Variants in ALG6 observed in about 807,000 individuals in gnomAD.
The protein encoded by ALG6 is ALG6 alpha-1,3-glucosyltransferase.
In ALG6, 46 loss-of-function variants were observed where a neutral mutation model predicts 66.6. The observed-to-expected ratio is 0.69, with a 90% confidence interval of 0.55 to 0.88. The LOEUF is 0.88. Among genes scored for constraint, ALG6 ranks in the 40% least tolerant of loss-of-function variants. ALG6 has a pLI of 0.00. For missense variants in ALG6, 505 were observed against 586.8 expected, an observed-to-expected ratio of 0.86 and a Z score of 1.44; for synonymous variants, 185 against 203.7, an observed-to-expected ratio of 0.91 and a Z score of 0.78.
intron 12 of ALG6, among the ~76,000 whole-genome samples, chr1:63,426,859 C>T (rs1644617703): frequency 6.6e-6 from 1 of 151,942 alleles, no homozygotes; most frequent in South Asian, 2.1e-4. Flanking sequence ...CATTTTTTGT[C>T]AATGCTTGTG....
Position 63,433,861 on chromosome 1 carries a change from A to G in ALG6, c.1327-2962A>G, listed in dbSNP as rs1335970309. On this transcript the variant is annotated intron_variant, in intron 14 of 14. Coordinates refer to ENST00000263440, the MANE Select transcript of ALG6 (RefSeq NM_013339.4). The surrounding 1 kb of genome is among the most constrained non-coding windows in gnomAD (Gnocchi z 4.2). ...GGCATGTCAGAGGGTGATAAGTGCTATGGAGAACAACAAAGCAAGGGAGAA... is the reference window on the plus strand; with the variant it reads ...GGCATGTCAGAGGGTGATAAGTGCTGTGGAGAACAACAAAGCAAGGGAGAA... Among the ~76,000 whole-genome samples the G allele has an allele frequency of 3.3e-5, 5 of 152,230 alleles. No individual in the cohort carries two copies. The South Asian group carries it at 1.0e-3, about 31-fold the overall frequency.
At chr1:63,403,388 A>G (rs1268392656) in intron 4 of ALG6, among the ~76,000 whole-genome samples, 6 of 152,206 alleles carry the variant, frequency 3.9e-5, no homozygotes, top group Non-Finnish European at 8.8e-5. Context: ...GAAGATCAAA[A>G]TGGGAATTCC....
At position 63,432,968 on chromosome 1, in the gene ALG6, G is replaced by A. The variant is rs150702161; in HGVS notation, c.1326+3842G>A. Reference sequence around the variant, plus strand: ...TTTATTTTATTCTTTTTGAGATGGAGTTTCACTCTTGTTGCCCAGGCTGGA... The same window carrying A: ...TTTATTTTATTCTTTTTGAGATGGAATTTCACTCTTGTTGCCCAGGCTGGA... On this transcript the variant is annotated intron_variant, in intron 14 of 14. Coordinates refer to ENST00000263440, the MANE Select transcript of ALG6 (RefSeq NM_013339.4). Among the ~76,000 whole-genome samples, 1,008 of 152,206 alleles carry A rather than the reference G, an allele frequency of 6.6e-3. 9 individuals are homozygous for A. Among genetic ancestry groups the A allele is most frequent in the African/African-American group, 0.024 (976 of 41,508 alleles).
At chr1:63,410,373 GCTT>G (rs1394424261) in intron 7 of ALG6, among the ~76,000 whole-genome samples, 1 of 152,082 alleles carries the variant, frequency 6.6e-6, no homozygotes, top group African/African-American at 2.4e-5. Context: ...TCCTGCCTCA[GCTT>G]CTTGGGTAAC....
At chr1:63,382,889 G>T (rs1238003942) in intron 2 of ALG6, among the ~76,000 whole-genome samples, 2 of 151,994 alleles carry the variant, frequency 1.3e-5, no homozygotes, top group Non-Finnish European at 2.9e-5. Flanking sequence ...TGTTAGCCAG[G>T]ATGGTCTCGA....
At position 63,416,665 on chromosome 1, in the gene ALG6, G is replaced by A. The variant is rs74079880; in HGVS notation, c.987+708G>A. ...CTAAAAAATATTTTTGAGAAGGAGA[G>A]GGGGCAGATCTCTGTTTTAGGAGGA... On this transcript the variant is annotated intron_variant, in intron 11 of 14. Transcript: ENST00000263440. Among the ~76,000 whole-genome samples, 1,441 of 152,160 alleles carry A rather than the reference G, an allele frequency of 9.5e-3. 24 individuals carry two copies. Among genetic ancestry groups the A allele is most frequent in the African/African-American group, 0.033 (1,378 of 41,514 alleles).
At chr1:63,430,486 C>T (rs1644640536) in intron 14 of ALG6, among the ~76,000 whole-genome samples, 1 of 152,172 alleles carries the variant, frequency 6.6e-6, no homozygotes, top group African/African-American at 2.4e-5. Flanking sequence ...AAACTGTTTT[C>T]CAAAGTGCAG....
rs886046479 is a variant in ALG6 at position 63,438,405 on chromosome 1, T to C, written c.*1385T>C. The C allele has an allele frequency of 2.6e-5, 4 of 152,218 alleles. No individual in the cohort carries two copies. Among genetic ancestry groups the C allele is most frequent in the African/African-American group, 2.4e-5 (1 of 41,464 alleles). 9.4% of individuals were successfully genotyped at this position (152,218 alleles called of 1,614,324 possible). A position where few individuals can be genotyped will look rare whatever the true frequency, so the allele number is the denominator to read the frequency against. On this transcript the variant is annotated 3_prime_UTR_variant, in exon 15 of 15. Transcript: ENST00000263440. The stretch of plus-strand genomic sequence containing the variant: ...ATCTTGGCTGGCTGGTGTAGCTTTA[T>C]TTTTAAAAATATTTTTTGTAATAGT...
At chr1:63,386,710 C>G (rs180891315) in intron 2 of ALG6, among the ~76,000 whole-genome samples, 1 of 151,752 alleles carries the variant, frequency 6.6e-6, no homozygotes, top group Admixed American at 6.6e-5. Flanking sequence ...TTCTTTTTTT[C>G]CTAGTCTGGC....
chr1:63,422,360 A>T (rs774124460), intron 12 of ALG6, among the ~76,000 whole-genome samples: 3 of 74,676 alleles, frequency 4.0e-5, no homozygotes, highest in African/African-American at 1.8e-4. Context: ...TATCTATATA[A>T]ATATAAATAT....
chr1:63,424,851 T>C (rs893169840), intron 12 of ALG6, among the ~76,000 whole-genome samples: 1 of 148,322 alleles, frequency 6.7e-6, no homozygotes, highest in East Asian at 2.0e-4. Context: ...CAATCTTAGC[T>C]CACTACAACC....
rs752858908 is a variant in ALG6 at position 63,370,989 on chromosome 1, G to T, written c.12G>T (p.Trp4Cys). 5 of 1,607,282 alleles carry T rather than the reference G, an allele frequency of 3.1e-6. No homozygotes were observed. The highest frequency in any genetic ancestry group is 4.3e-6 in the Non-Finnish European group (5 of 1,173,982). Residue 4 changes from tryptophan to cysteine, a missense_variant, in exon 2 of 15, where the codon TGG (tryptophan) becomes TGT (cysteine). Trp to Cys is a radical substitution (Grantham distance 215, BLOSUM62 -2). Transcript: ENST00000263440. Reference protein sequence around the residue: MEKWYLMTVVVLIG... With the variant: MEKCYLMTVVVLIG... ...AAATTTGAAGAACTATGGAGAAATGGTACTTGATGACAGTAGTGGTTTTAA... is the reference window on the plus strand; with the variant it reads ...AAATTTGAAGAACTATGGAGAAATGTTACTTGATGACAGTAGTGGTTTTAA...
rs567322413 is a variant in ALG6, at chr1:63,401,387, C to G, written c.168-867C>G. On this transcript the variant is annotated intron_variant, in intron 3 of 14. Transcript: ENST00000263440. ...GTGACCCATTTGAAATAAGTTAGGC[C>G]GGGCATGGTGGCTCACCCCTGTAAT... 6.6e-4 allele frequency among the ~76,000 whole-genome samples: 101 copies of G among 151,986 alleles called. 1 individual carries two copies. Among genetic ancestry groups the G allele is most frequent in the African/African-American group, 2.3e-3 (97 of 41,460 alleles).
chr1:63,437,087 G>T lies in ALG6; in HGVS notation c.*67G>T. The T allele has an allele frequency of 7.0e-7, 1 of 1,420,326 alleles. No homozygotes were observed. The highest frequency in any genetic ancestry group is 1.2e-5 in the South Asian group (1 of 83,894). 88.0% of individuals were successfully genotyped at this position (1,420,326 alleles called of 1,614,324 possible). A position where few individuals can be genotyped will look rare whatever the true frequency, so the allele number is the denominator to read the frequency against. ...TGTGAACAGTGCTGAAAGGTTTTGTGAACTTTTTGCTATGTATAAATGAAA... is the reference window on the plus strand; with the variant it reads ...TGTGAACAGTGCTGAAAGGTTTTGTTAACTTTTTGCTATGTATAAATGAAA... On this transcript the variant is annotated 3_prime_UTR_variant, in exon 15 of 15. Coordinates refer to ENST00000263440, the MANE Select transcript of ALG6 (RefSeq NM_013339.4).
chr1:63,418,091 G>A (rs6657589), intron 11 of ALG6, among the ~76,000 whole-genome samples: 53,585 of 149,248 alleles, frequency 0.36, 9,842 homozygotes, highest in East Asian at 0.49. Context: ...TGGAGATTGC[G>A]CCACTGCACT....
intron 3 of ALG6, among the ~76,000 whole-genome samples, chr1:63,399,314 G>A (rs975826666): frequency 6.6e-6 from 1 of 152,194 alleles, no homozygotes; most frequent in Non-Finnish European, 1.5e-5. Flanking sequence ...TGAAACAGAA[G>A]CACAAGAGTG....
In ALG6 at chr1:63,424,385, C is replaced by T. The variant is rs377257188; in HGVS notation, c.1059-4348C>T. Among the ~76,000 whole-genome samples the T allele has an allele frequency of 7.8e-4, 119 of 152,156 alleles. 1 individual carries two copies. The highest frequency in any genetic ancestry group is 2.6e-3 in the African/African-American group (106 of 41,538). ...TGAACTCCTGACCTCGTGATCCACCCGCCTCGGCCTCCCAAAGTGCTGGGA... is the reference window on the plus strand; with the variant it reads ...TGAACTCCTGACCTCGTGATCCACCTGCCTCGGCCTCCCAAAGTGCTGGGA... On this transcript the variant is annotated intron_variant, in intron 12 of 14. Transcript: ENST00000263440.
Position 63,422,270 on chromosome 1 carries a change from T to C in ALG6, c.1058+2830T>C, listed in dbSNP as rs1371498537. ...ATATATATATTTATATAGATATAAA[T>C]ATATATATAAATATATATATTTATA... is the stretch of plus-strand genomic sequence containing the variant. On this transcript the variant is annotated intron_variant, in intron 12 of 14. Coordinates refer to ENST00000263440, the MANE Select transcript of ALG6 (RefSeq NM_013339.4). 2.4e-4 allele frequency among the ~76,000 whole-genome samples: 18 copies of C among 73,858 alleles called. 3 individuals carry two copies. The highest frequency in any genetic ancestry group is 1.2e-3 in the African/African-American group (17 of 13,762). The allele number at this position is 73,858 out of a possible 152,430, so 48.5% of individuals were successfully genotyped here.
chr1:63,370,887 C>T lies in ALG6; in HGVS notation c.-91C>T. The T allele has an allele frequency of 1.2e-6, 1 of 830,220 alleles. No homozygotes were observed. Among genetic ancestry groups the T allele is most frequent in the Non-Finnish European group, 2.1e-6 (1 of 467,072 alleles). 51.4% of individuals were successfully genotyped at this position (830,220 alleles called of 1,614,324 possible). ...AACATTTCAAGAAGTGATAACATTT[C>T]TCTGAACAAGAAAAGAAGTGATTGA... On this transcript the variant is annotated 5_prime_UTR_variant, in exon 2 of 15. Transcript: ENST00000263440.
Sources: allele counts gnomAD v4.1 joint callset (sites outside exome capture counted in the v4.1 genomes callset), GRCh38; gene constraint gnomAD v4.1.1; non-coding constraint Gnocchi (gnomAD v3.1); transcripts MANE v1.5; gene names NCBI Gene and HGNC (gene_info 2026-07-23, HGNC 2026-07-21).